The following CLEC12B variants were observed in gnomAD, a reference collection of about 807,000 sequenced individuals.
CLEC12B encodes the protein macrophage antigen h.
Under a neutral mutation model 36.1 loss-of-function variants are expected in CLEC12B, and 25 were observed. The ratio of observed to expected loss-of-function variants is 0.69; its 90% CI spans 0.50 to 0.97. The LOEUF is 0.97. CLEC12B is among the 50% of genes least tolerant of loss of function. The probability of loss-of-function intolerance (pLI) is 0.00; values close to 1 mark genes in which losing one functional copy is unlikely to be tolerated. For missense variants in CLEC12B, 325 were observed against 318.4 expected (o/e 1.02, Z -0.16); for synonymous variants, 110 against 108.5 (o/e 1.01, Z -0.09).
At chr12:10,006,582 A>G (rs1865229149), upstream of CLEC12B, among the ~76,000 whole-genome samples, 1 of 152,130 alleles carries the variant, frequency 6.6e-6, no homozygotes, top group Non-Finnish European at 1.5e-5. Flanking sequence ...CAAAAGGAAA[A>G]CCAAGAGAAT....
upstream of CLEC12B, among the ~76,000 whole-genome samples, chr12:10,008,296 C>T (rs546182219): frequency 5.3e-5 from 8 of 152,066 alleles, no homozygotes; most frequent in Admixed American, 1.3e-4. Context: ...GTGATTACTA[C>T]GGTGAATAGC....
intron 3 of CLEC12B, 39 bp from the exon 4 acceptor site, chr12:10,015,213 G>C (rs780069892): frequency 7.7e-6 from 12 of 1,553,560 alleles, no homozygotes; most frequent in Non-Finnish European, 1.1e-5. Context: ...TCACTCTAGA[G>C]TCTTCAGTTT....
Position 10,014,627 on chromosome 12 carries a change from T to G in CLEC12B, c.295T>G (p.Ser99Ala). 2 of 1,613,712 alleles carry G rather than the reference T, an allele frequency of 1.2e-6. No individual in the cohort carries two copies. The highest frequency in any genetic ancestry group is 1.7e-6 in the Non-Finnish European group (2 of 1,179,706). Residue 99 changes from serine to alanine, a missense_variant, in exon 3 of 6, where the codon TCC becomes GCC. By Grantham distance (99) the Ser-to-Ala change is moderately conservative. Transcript: ENST00000338896. ...QDNLSQQLGNSNNLSMEEEFL... is the reference protein window; with the variant it reads ...QDNLSQQLGNANNLSMEEEFL... ...TAACTTATCCCAGCAACTGGGCAAC[T>G]CCAACAACTTGTCCATGGAGGAGGA...
At chr12:10,014,860 G>A (rs1865440063) in intron 3 of CLEC12B, 119 bp downstream of exon 3, 3 of 689,078 alleles carry the variant, frequency 4.4e-6, no homozygotes, top group African/African-American at 1.8e-5. Context: ...CCTTAATGAT[G>A]TTGCACTAAA....
In CLEC12B at chr12:10,012,836, C is replaced by G. The variant is rs768554570; in HGVS notation, c.143C>G (p.Thr48Ser). The change falls in exon 2 of 6, where the codon ACT (threonine) becomes AGT (serine). Residue 48 changes from threonine to serine, a missense_variant. By Grantham distance (58) the Thr-to-Ser change is moderately conservative. Transcript: ENST00000338896. ...IWRHAALGLV[T>S]LCLMLLIGLV... is the part of the protein sequence containing the mutation. ...CGTCATGCTGCTCTGGGTCTGGTAA[C>G]TCTTTGCCTGATGTTGCTGATTGGG... 1 of 1,613,848 alleles carries G rather than the reference C, an allele frequency of 6.2e-7. No individual in the cohort carries two copies. Among genetic ancestry groups the G allele is most frequent in the Admixed American group, 1.7e-5 (1 of 60,008 alleles).
chr12:10,012,531 C>T (rs1484798126), intron 1 of CLEC12B, among the ~76,000 whole-genome samples: 1 of 152,052 alleles, frequency 6.6e-6, no homozygotes, highest in Non-Finnish European at 1.5e-5. Context: ...AGGTATATCT[C>T]CTAAAGGTAT....
In CLEC12B at chr12:10,015,598, G is replaced by A. The variant is rs746417798; in HGVS notation, c.565-14G>A. The A allele has an allele frequency of 7.4e-6, 12 of 1,613,042 alleles. No homozygotes were observed. The Admixed American group carries it at 2.0e-4, about 27-fold the overall frequency. The stretch of plus-strand genomic sequence containing the variant: ...GGCGCTCACGTAAAACTTTTTCTCT[G>A]TTTTCTCTCTTAGGATTTTCTTATG... On this transcript the variant is annotated splice_polypyrimidine_tract_variant and intron_variant, in intron 4 of 5. Coordinates refer to ENST00000338896, the MANE Select transcript of CLEC12B (RefSeq NM_001129998.3).
intron 5 of CLEC12B, chr12:10,016,951 C>A (rs970893466): frequency 2.1e-5 from 21 of 978,014 alleles, no homozygotes; most frequent in Non-Finnish European, 2.3e-5. Flanking sequence ...ATCCACCCCC[C>A]TCCCTCCTGT....
intron 5 of CLEC12B, 57 bp from the exon 6 acceptor site, chr12:10,018,274 A>G: frequency 1.0e-5 from 11 of 1,089,324 alleles, no homozygotes; most frequent in Non-Finnish European, 1.4e-5. Context: ...TGAGGGCACT[A>G]AATAGTGATC....
chr12:10,016,065 T>C (rs1865480768), intron 5 of CLEC12B: 1 of 859,432 alleles, frequency 1.2e-6, no homozygotes, highest in Non-Finnish European at 1.4e-6. Flanking sequence ...AGAGATTAAG[T>C]AACTTGCCTG....
upstream of CLEC12B, among the ~76,000 whole-genome samples, chr12:10,006,217 A>G (rs1166281253): frequency 6.6e-6 from 1 of 152,244 alleles, no homozygotes; most frequent in Non-Finnish European, 1.5e-5. Context: ...GAAGAAACAC[A>G]TTGGGAAAAG....
chr12:10,012,507 C>T (rs925156283), intron 1 of CLEC12B, among the ~76,000 whole-genome samples: 11 of 152,222 alleles, frequency 7.2e-5, no homozygotes, highest in South Asian at 4.1e-4. Flanking sequence ...CCCATTAACT[C>T]GTCATTTAGC....
At chr12:10,012,932 G>A (rs898732306) in intron 2 of CLEC12B, 49 bp downstream of exon 2, 9 of 1,322,574 alleles carry the variant, frequency 6.8e-6, no homozygotes, top group Middle Eastern at 1.8e-4. Context: ...AAAACATATT[G>A]TAAACCATGT....
At chr12:10,010,200 T>TCTCTCACACACACACACA (rs370060573), upstream of CLEC12B, among the ~76,000 whole-genome samples, 2 of 145,800 alleles carry the variant, frequency 1.4e-5, no homozygotes, top group African/African-American at 5.1e-5. Flanking sequence ...TGTCTCTCTC[T>TCTCTCACACACACACACA]CACACACACA....
chr12:10,016,946 C>T (rs1470452438), intron 5 of CLEC12B: 5 of 954,276 alleles, frequency 5.2e-6, no homozygotes, highest in South Asian at 9.7e-5. Flanking sequence ...TCATTATCCA[C>T]CCCCCTCCCT....
Position 10,015,676 on chromosome 12 carries a change from C to T in CLEC12B, c.629C>T (p.Ser210Phe), listed in dbSNP as rs757664427. ...TTTTGGCTGGGATTATCATGGGACT[C>T]CTCTGGCAGAAGTTGGTTCTGGGAA... ...SFFWLGLSWDSSGRSWFWEDG... is the reference protein window; with the variant it reads ...SFFWLGLSWDFSGRSWFWEDG... Residue 210 changes from serine (S) to phenylalanine (F), a missense_variant, in exon 5 of 6, where the codon TCC becomes TTC. Transcript: ENST00000338896. The T allele has an allele frequency of 6.2e-7, 1 of 1,613,744 alleles. No homozygotes were observed. Among genetic ancestry groups the T allele is most frequent in the Non-Finnish European group, 8.5e-7 (1 of 1,179,720 alleles).
chr12:10,016,087 C>A (rs1466178349), intron 5 of CLEC12B: 2 of 655,888 alleles, frequency 3.0e-6, no homozygotes, highest in Non-Finnish European at 3.8e-6. Context: ...GGTCACTCAG[C>A]TCATAAATTG....
chr12:10,006,360 A>G (rs1865224646), upstream of CLEC12B, among the ~76,000 whole-genome samples: 1 of 152,118 alleles, frequency 6.6e-6, no homozygotes, highest in African/African-American at 2.4e-5. Flanking sequence ...GACATTATCA[A>G]TGTATGGCTG....
intron 4 of CLEC12B, 38 bp from the exon 5 acceptor site, chr12:10,015,574 G>C: frequency 6.2e-7 from 1 of 1,612,154 alleles, no homozygotes; most frequent in Non-Finnish European, 8.5e-7. Context: ...CTGGAATGTG[G>C]CGCTCACGTA....
Sources: allele counts gnomAD v4.1 joint callset (sites outside exome capture counted in the v4.1 genomes callset), GRCh38; gene constraint gnomAD v4.1.1; transcripts MANE v1.5; gene names NCBI Gene and HGNC (gene_info 2026-07-23, HGNC 2026-07-21).